PARD3B: variants seen among roughly 807,000 people sequenced by gnomAD.
The protein encoded by PARD3B is partitioning defective 3 homolog B.
In PARD3B, 103 loss-of-function variants were observed where a neutral mutation model predicts 130.2. The ratio of observed to expected loss-of-function variants is 0.79; its 90% CI spans 0.67 to 0.93. The LOEUF is 0.93. PARD3B is among the 40% of genes least tolerant of loss of function. The probability of loss-of-function intolerance (pLI) is 0.00; values close to 1 mark genes in which losing one functional copy is unlikely to be tolerated. For synonymous variants in PARD3B, 583 were observed against 553.2 expected, an observed-to-expected ratio of 1.05 and a Z score of -0.76; for missense variants, 1,609 against 1,499.2, an observed-to-expected ratio of 1.07 and a Z score of -1.21.
At chr2:205,213,017 A>G (rs896575817) in intron 15 of PARD3B, among the ~76,000 whole-genome samples, 5 of 152,114 alleles carry the variant, frequency 3.3e-5, no homozygotes, top group Non-Finnish European at 7.4e-5. Context: ...CTCAGCTAGT[A>G]AATGGTGGGG....
chr2:205,185,923 G>A (rs775909519), intron 14 of PARD3B, 60 bp downstream of exon 14: 375 of 1,356,094 alleles, frequency 2.8e-4, no homozygotes, highest in Non-Finnish European at 3.5e-4. Flanking sequence ...GGAGAACACA[G>A]CAACCTTATT....
At chr2:205,000,921 T>C (rs1694781299) in intron 3 of PARD3B, among the ~76,000 whole-genome samples, 1 of 152,182 alleles carries the variant, frequency 6.6e-6, no homozygotes, top group South Asian at 2.1e-4. Context: ...GTTTTGTCTT[T>C]TGGTTTTGCA....
chr2:204,618,686 G>T (rs1234605525), intron 1 of PARD3B, among the ~76,000 whole-genome samples: 1 of 152,102 alleles, frequency 6.6e-6, no homozygotes, highest in African/African-American at 2.4e-5. Context: ...TGTATTTCTT[G>T]CAATTAAGGC....
chr2:204,710,364 G>A (rs935192812), intron 2 of PARD3B, among the ~76,000 whole-genome samples: 12 of 152,210 alleles, frequency 7.9e-5, no homozygotes, highest in Non-Finnish European at 1.8e-4. Flanking sequence ...CAGATCTCCA[G>A]AACATGCAGT....
chr2:205,252,848 C>A (rs1342690521), intron 16 of PARD3B, among the ~76,000 whole-genome samples: 50 of 115,708 alleles, frequency 4.3e-4, no homozygotes, highest in Middle Eastern at 0.011. Context: ...ACCCCCCCCC[C>A]CCACCAAAAA....
At chr2:204,808,073 C>T (rs932439063) in intron 2 of PARD3B, among the ~76,000 whole-genome samples, 3 of 151,280 alleles carry the variant, frequency 2.0e-5, no homozygotes, top group Admixed American at 6.6e-5. Context: ...AGCTCATGTA[C>T]CCTATAAATA....
At chr2:205,136,787 A>T (rs758026058) in intron 10 of PARD3B, among the ~76,000 whole-genome samples, 1 of 152,214 alleles carries the variant, frequency 6.6e-6, no homozygotes, top group Non-Finnish European at 1.5e-5. Flanking sequence ...GTTCTCTTCT[A>T]TGATAATCAA....
chr2:205,023,778 A>G (rs937656285), intron 3 of PARD3B, among the ~76,000 whole-genome samples: 4 of 152,108 alleles, frequency 2.6e-5, no homozygotes, highest in African/African-American at 9.7e-5. Context: ...GATGAACTCA[A>G]TCATTCAGGT....
At chr2:204,726,199 A>G (rs1237633416) in intron 2 of PARD3B, among the ~76,000 whole-genome samples, 1 of 152,216 alleles carries the variant, frequency 6.6e-6, no homozygotes, top group Non-Finnish European at 1.5e-5. Flanking sequence ...GTGGTGACAG[A>G]TAAAGGAATG....
chr2:204,784,387 G>A (rs1484290256), intron 2 of PARD3B, among the ~76,000 whole-genome samples: 4 of 151,954 alleles, frequency 2.6e-5, no homozygotes, highest in Admixed American at 2.6e-4. Flanking sequence ...TTTTTGGCTT[G>A]TAGATTATTG....
chr2:204,874,963 T>G (rs536412979), intron 2 of PARD3B, among the ~76,000 whole-genome samples: 1 of 152,336 alleles, frequency 6.6e-6, no homozygotes, highest in African/African-American at 2.4e-5. Flanking sequence ...ATATCTCAGT[T>G]TATTCGTTCT....
chr2:204,849,034 C>A (rs183720445), intron 2 of PARD3B, among the ~76,000 whole-genome samples: 4 of 151,954 alleles, frequency 2.6e-5, no homozygotes, highest in Admixed American at 6.6e-5. Context: ...CATTCTATTT[C>A]TTTGATTTAG....
intron 1 of PARD3B, among the ~76,000 whole-genome samples, chr2:204,615,613 A>T (rs2034082227): frequency 6.6e-6 from 1 of 152,140 alleles, no homozygotes; most frequent in African/African-American, 2.4e-5. Context: ...TACGTTGGCA[A>T]TGAGCACTGT....
At chr2:205,398,843 G>T (rs1038648155) in intron 18 of PARD3B, among the ~76,000 whole-genome samples, 1 of 152,290 alleles carries the variant, frequency 6.6e-6, no homozygotes, top group African/African-American at 2.4e-5. Flanking sequence ...CTATTATTCT[G>T]ATTGCTTACA....
chr2:204,958,648 C>G (rs559090128), intron 2 of PARD3B, among the ~76,000 whole-genome samples: 24 of 152,196 alleles, frequency 1.6e-4, no homozygotes, highest in African/African-American at 5.8e-4. Context: ...AGAAGGATAG[C>G]TATGGTAGGA....
At chr2:205,428,940 G>T (rs1309656256) in intron 19 of PARD3B, among the ~76,000 whole-genome samples, 1 of 152,088 alleles carries the variant, frequency 6.6e-6, no homozygotes. Flanking sequence ...GTCCTTGGAG[G>T]AATGACTGCT....
intron 3 of PARD3B, among the ~76,000 whole-genome samples, chr2:204,988,328 T>C (rs1361171415): frequency 2.0e-5 from 3 of 152,104 alleles, no homozygotes; most frequent in African/African-American, 7.2e-5. Context: ...AGAAGAATGG[T>C]TACCAGAGGC....
At chr2:204,898,975 C>G (rs2125701945) in intron 2 of PARD3B, among the ~76,000 whole-genome samples, 1 of 151,792 alleles carries the variant, frequency 6.6e-6, no homozygotes, top group African/African-American at 2.4e-5. Flanking sequence ...CATGAACTAT[C>G]TTTTTCCATC....
intron 2 of PARD3B, among the ~76,000 whole-genome samples, chr2:204,821,635 T>C: frequency 6.6e-6 from 1 of 151,742 alleles, no homozygotes. Flanking sequence ...ATGGCACATG[T>C]ATACATATGT....
Sources: gnomAD v4.1 joint callset for allele counts (sites outside exome capture counted in the v4.1 genomes callset) on GRCh38, gnomAD v4.1.1 for gene constraint, MANE v1.5 for transcripts, NCBI Gene and HGNC (gene_info 2026-07-23, HGNC 2026-07-21) for gene names.